ZNF273: variants seen among roughly 807,000 people sequenced by gnomAD.
The protein encoded by ZNF273 is zinc finger protein 273.
Under a neutral mutation model 14.9 loss-of-function variants are expected in ZNF273, and 11 were observed. That is an observed-to-expected ratio of 0.74 (90% CI 0.46 to 1.22). ZNF273 has a LOEUF of 1.22. Among genes scored for constraint, ZNF273 ranks in the 50% most tolerant of loss-of-function variants. The pLI is 0.00. For missense variants in ZNF273, 577 were observed against 660.6 expected (o/e 0.87, Z 1.39); for synonymous variants, 199 against 223.9 (o/e 0.89, Z 0.99).
At chr7:64,886,000 A>T (rs1159993130) in intron 1 of ZNF273, among the ~76,000 whole-genome samples, 1 of 149,916 alleles carries the variant, frequency 6.7e-6, no homozygotes, top group African/African-American at 2.5e-5. Context: ...CCTTGGGCAG[A>T]AGCAGGGAGA....
intron 1 of ZNF273, among the ~76,000 whole-genome samples, chr7:64,916,268 G>A (rs755680880): frequency 6.0e-5 from 9 of 151,060 alleles, no homozygotes; most frequent in African/African-American, 9.7e-5. Context: ...AGATAGGCAC[G>A]TCGCTCACGC....
intron 3 of ZNF273, 116 bp from the exon 4 acceptor site, chr7:64,927,538 G>A (rs1794820336): frequency 3.6e-6 from 3 of 822,218 alleles, no homozygotes; most frequent in Admixed American, 3.1e-5. Context: ...TAGGGCCTGT[G>A]GTATTTTGCT....
At chr7:64,922,689 T>G (rs1181508119) in intron 3 of ZNF273, among the ~76,000 whole-genome samples, 1 of 151,822 alleles carries the variant, frequency 6.6e-6, no homozygotes, top group Non-Finnish European at 1.5e-5. Flanking sequence ...GATCAGGTTA[T>G]TAGTCCATGT....
At chr7:64,892,830 AT>A (rs1411950868), downstream of ZNF273, among the ~76,000 whole-genome samples, 14 of 152,254 alleles carry the variant, frequency 9.2e-5, 1 homozygote, top group East Asian at 2.5e-3. Flanking sequence ...ATTACGGAAA[AT>A]TTGCATAGGT....
At chr7:64,894,313 G>GTT (rs34604262), downstream of ZNF273, among the ~76,000 whole-genome samples, 3 of 151,878 alleles carry the variant, frequency 2.0e-5, no homozygotes, top group African/African-American at 4.8e-5. Flanking sequence ...CCAATCATTT[G>GTT]TTTTTTTAAA....
In ZNF273 at chr7:64,895,614, G is replaced by T. The variant is rs143229996; in HGVS notation, n.488+1717G>T. 5.2e-3 allele frequency among the ~76,000 whole-genome samples: 799 copies of T among 152,276 alleles called. 4 individuals are homozygous for T. Among genetic ancestry groups the T allele is most frequent in the Non-Finnish European group, 7.1e-3 (481 of 68,022 alleles). ...AGTTCTGGCTTAGTATAAAAAAGCT[G>T]TTGGCAACTCAGTATTACATATACA... On this transcript the variant is annotated intron_variant and non_coding_transcript_variant, in intron 3 of 7. Transcript: ENST00000527278.
In ZNF273 at chr7:64,928,378, ATG is replaced by A. The variant is rs764917573; in HGVS notation, c.1053_1054del (p.Cys351TrpfsTer2). ...GAGAGAAACCCTACAAATGCAATGA[ATG>A]TGGTAAAGCCTTTAACTGGTCCTCA... ...TGEKPYKCNE[C>X]GKAFNWSSTL... On this transcript the variant is annotated frameshift_variant, in exon 4 of 4. Transcript: ENST00000476120. LOFTEE classifies it high-confidence loss of function. The A allele has an allele frequency of 3.7e-6, 6 of 1,613,692 alleles. No individual in the cohort carries two copies. In the South Asian group the frequency reaches 6.6e-5, roughly 18 times the overall value.
intron 3 of ZNF273, among the ~76,000 whole-genome samples, chr7:64,919,230 G>A (rs368575942): frequency 1.4e-4 from 21 of 152,222 alleles, no homozygotes; most frequent in Non-Finnish European, 2.1e-4. Flanking sequence ...TTGATAGGGC[G>A]TTTATTGAAT....
chr7:64,883,641 G>T (rs62455112), downstream of ZNF273, among the ~76,000 whole-genome samples: 5,915 of 152,262 alleles, frequency 0.039, 179 homozygotes, highest in East Asian at 0.15. Context: ...GGACTCCAAC[G>T]TGCCGGGGAA....
chr7:64,885,040 G>C (rs956262660), intron 1 of ZNF273, among the ~76,000 whole-genome samples: 1 of 152,228 alleles, frequency 6.6e-6, no homozygotes, highest in Non-Finnish European at 1.5e-5. Flanking sequence ...TGTCGCGAGC[G>C]GTGAGCCTTG....
intron 3 of ZNF273, among the ~76,000 whole-genome samples, chr7:64,920,166 G>A (rs1254522436): frequency 6.6e-6 from 1 of 152,102 alleles, no homozygotes. Flanking sequence ...TCTGCACTAG[G>A]GTCCACCTTT....
chr7:64,889,125 C>G (rs929386280), downstream of ZNF273: 8 of 985,834 alleles, frequency 8.1e-6, no homozygotes, highest in South Asian at 3.8e-4. The surrounding 1 kb of genome is among the most constrained non-coding windows in gnomAD (Gnocchi z 4.2). Flanking sequence ...AGCAGGGATC[C>G]GGGCCTCGTT....
chr7:64,912,353 C>G (rs1388226986), intron 1 of ZNF273, among the ~76,000 whole-genome samples: 1 of 152,196 alleles, frequency 6.6e-6, no homozygotes, highest in Non-Finnish European at 1.5e-5. Context: ...TGTTAATTTC[C>G]TGCCTCAATA....
chr7:64,903,249 C>T, upstream of ZNF273: 7 of 1,332,430 alleles, frequency 5.3e-6, no homozygotes, highest in South Asian at 7.1e-5. Context: ...GACAGGACGG[C>T]TTCCGGGATT....
intron 3 of ZNF273, among the ~76,000 whole-genome samples, chr7:64,922,331 T>G (rs74380756): frequency 0.05 from 7,400 of 147,604 alleles, 556 homozygotes; most frequent in African/African-American, 0.16. Flanking sequence ...TGTTTTTTTG[T>G]TTTTTTTTTC....
exon 2 of ZNF273, chr7:64,888,705 T>A (rs1583960568): frequency 2.0e-6 from 2 of 985,588 alleles, no homozygotes; most frequent in African/African-American, 1.7e-5. Flanking sequence ...GTCCGGCTCC[T>A]GGAGGACAGC....
chr7:64,877,794 A>G (rs1402126087), exon 1 of ZNF273: 3 of 152,320 alleles, frequency 2.0e-5, no homozygotes, highest in Non-Finnish European at 2.9e-5. Flanking sequence ...CAAAATTCCT[A>G]AGGATCCGCA....
downstream of ZNF273, among the ~76,000 whole-genome samples, chr7:64,881,916 A>T (rs1791268524): frequency 6.6e-6 from 1 of 152,114 alleles, no homozygotes; most frequent in African/African-American, 2.4e-5. Context: ...CACCCATTTC[A>T]GTCTTGCAAT....
In ZNF273 at chr7:64,927,736, T is replaced by G; in HGVS notation, c.408T>G (p.Tyr136Ter). 1 of 1,613,100 alleles carries G rather than the reference T, an allele frequency of 6.2e-7. No individual in the cohort carries two copies. The highest frequency in any genetic ancestry group is 8.5e-7 in the Non-Finnish European group (1 of 1,179,738). ...DSFQKVILRR[Y>*]GKYGHENLQL... Reference sequence around the variant, plus strand: ...TTCAAAAAGTGATACTGAGAAGATATGGAAAATATGGACATGAGAATTTAC... The same window carrying G: ...TTCAAAAAGTGATACTGAGAAGATAGGGAAAATATGGACATGAGAATTTAC... The change falls in exon 4 of 4, where the codon TAT becomes TAG. Residue 136 changes from tyrosine (Y) to a stop codon, truncating the protein, a stop_gained. Transcript: ENST00000476120. LOFTEE classifies it low-confidence loss of function (END_TRUNC).
Sources: gnomAD v4.1 joint callset for allele counts (sites outside exome capture counted in the v4.1 genomes callset) on GRCh38, gnomAD v4.1.1 for gene constraint, Gnocchi (gnomAD v3.1) non-coding constraint, MANE v1.5 for transcripts, NCBI Gene and HGNC (gene_info 2026-07-23, HGNC 2026-07-21) for gene names.